Variants in DNAJC13 observed in about 807,000 individuals in gnomAD.
The protein encoded by DNAJC13 is DnaJ heat shock protein family (Hsp40) member C13, also known as dnaJ homolog subfamily C member 13.
DNAJC13 carries 75 observed loss-of-function variants against 290.5 expected under a neutral mutation model. That is an observed-to-expected ratio of 0.26 (90% CI 0.21 to 0.31). The LOEUF (loss-of-function observed/expected upper bound fraction) is 0.31, where lower values mean the gene tolerates loss of function less well. DNAJC13 is among the 10% of genes least tolerant of loss of function. The pLI is 1.00. For synonymous variants in DNAJC13, 862 were observed against 892.0 expected (o/e 0.97, Z 0.60); for missense variants, 2,260 against 2,674.5 (o/e 0.85, Z 3.42).
chr3:132,501,046 C>A, intron 39 of DNAJC13, 133 bp downstream of exon 39: 1 of 1,169,850 alleles, frequency 8.5e-7, no homozygotes, highest in Non-Finnish European at 1.2e-6. Flanking sequence ...TTTCTAAAAG[C>A]ATTTTTCACA....
chr3:132,486,204 TG>T (rs1433349633), intron 29 of DNAJC13, among the ~76,000 whole-genome samples: 1 of 148,736 alleles, frequency 6.7e-6, no homozygotes, highest in East Asian at 2.1e-4. Flanking sequence ...GAAAAAGCAC[TG>T]CAATTATTGA....
intron 51 of DNAJC13, among the ~76,000 whole-genome samples, chr3:132,524,718 G>A (rs1936197612): frequency 6.6e-6 from 1 of 152,182 alleles, no homozygotes; most frequent in African/African-American, 2.4e-5. Flanking sequence ...GTCCTCAAAA[G>A]CTAAAACTTA....
At chr3:132,418,749 C>G (rs889229297) in intron 1 of DNAJC13, among the ~76,000 whole-genome samples, 1 of 152,138 alleles carries the variant, frequency 6.6e-6, no homozygotes, top group African/African-American at 2.4e-5. Context: ...AAGTTCAGAA[C>G]CTGCCCCCAG....
At chr3:132,503,649 C>A (rs901808026) in intron 41 of DNAJC13, among the ~76,000 whole-genome samples, 1 of 152,028 alleles carries the variant, frequency 6.6e-6, no homozygotes, top group African/African-American at 2.4e-5. Flanking sequence ...AGGGACAGGA[C>A]GAGAGAGTGA....
chr3:132,493,326 C>T (rs1350673010), intron 33 of DNAJC13, among the ~76,000 whole-genome samples: 1 of 151,966 alleles, frequency 6.6e-6, no homozygotes, highest in Non-Finnish European at 1.5e-5. Flanking sequence ...TAAAAGATTT[C>T]AGAATAATTG....
At chr3:132,442,286 T>TG (rs1314543337) in intron 2 of DNAJC13, among the ~76,000 whole-genome samples, 1 of 152,102 alleles carries the variant, frequency 6.6e-6, no homozygotes, top group African/African-American at 2.4e-5. Flanking sequence ...CGTGAGCCAC[T>TG]GCACCCGGCC....
At chr3:132,429,836 G>C (rs1178590986) in intron 1 of DNAJC13, among the ~76,000 whole-genome samples, 1 of 152,124 alleles carries the variant, frequency 6.6e-6, no homozygotes, top group East Asian at 1.9e-4. Flanking sequence ...TTTTCAAATA[G>C]AGGAGCAATT....
At position 132,456,483 on chromosome 3, in the gene DNAJC13, C is replaced by T. The variant is rs372485663; in HGVS notation, c.1100-18C>T. On this transcript the variant is annotated intron_variant, in intron 10 of 55. Coordinates refer to ENST00000260818, the MANE Select transcript of DNAJC13 (RefSeq NM_015268.4). ...AGGAATTCGTATCTTCTTTTTGAAC[C>T]TCTTAATCTCTTTACAGATGGCAAC... is the stretch of plus-strand genomic sequence containing the variant. The T allele has an allele frequency of 1.9e-6, 3 of 1,611,234 alleles. No individual in the cohort carries two copies. The African/African-American group carries it at 4.0e-5, about 22-fold the overall frequency.
chr3:132,506,586 T>G (rs1935601030), intron 42 of DNAJC13, among the ~76,000 whole-genome samples: 1 of 123,834 alleles, frequency 8.1e-6, no homozygotes. Flanking sequence ...TGAGTCTCAC[T>G]CTGTTGCCAG....
At chr3:132,435,351 A>G (rs2107650494) in intron 2 of DNAJC13, among the ~76,000 whole-genome samples, 1 of 152,338 alleles carries the variant, frequency 6.6e-6, no homozygotes, top group East Asian at 1.9e-4. Flanking sequence ...CACTTTTACA[A>G]ATCAGTGACC....
At chr3:132,520,682 A>G (rs766515250) in intron 48 of DNAJC13, among the ~76,000 whole-genome samples, 1 of 152,220 alleles carries the variant, frequency 6.6e-6, no homozygotes, top group Non-Finnish European at 1.5e-5. Flanking sequence ...AAATAAATTT[A>G]GAAATGAAAG....
rs530497545 is a variant in DNAJC13, at chr3:132,465,659, A to G, written c.1893-336A>G. On this transcript the variant is annotated intron_variant, in intron 17 of 55. Transcript: ENST00000260818. The stretch of plus-strand genomic sequence containing the variant: ...TGTCACTATATTAGTAGGACTGGTT[A>G]AACAAATTAATTGTGTCATCAAATC... Among the ~76,000 whole-genome samples, 28 of 152,226 alleles carry G rather than the reference A, an allele frequency of 1.8e-4. No homozygotes were observed. In the South Asian group the frequency reaches 5.6e-3, roughly 30 times the overall value.
intron 37 of DNAJC13, 115 bp downstream of exon 37, chr3:132,499,425 AAC>A (rs1374624764): frequency 3.2e-6 from 3 of 935,870 alleles, no homozygotes; most frequent in Non-Finnish European, 4.7e-6. Flanking sequence ...TTCAGCAGAT[AAC>A]ACAATATTTT....
At position 132,450,627 on chromosome 3, in the gene DNAJC13, A is replaced by G. The variant is rs1332477369; in HGVS notation, c.337-20A>G. 6.4e-7 allele frequency: 1 copy of G among 1,562,126 alleles called. No homozygotes were observed. Among genetic ancestry groups the G allele is most frequent in the Non-Finnish European group, 8.8e-7 (1 of 1,139,750 alleles). ...GATTTTATTTTATGAACCTAAAAGT[A>G]ATACTGATTCTGTCTTTAGAGATAC... On this transcript the variant is annotated intron_variant, in intron 5 of 55. Transcript: ENST00000260818.
At chr3:132,446,095 G>C (rs529982309) in intron 2 of DNAJC13, among the ~76,000 whole-genome samples, 9 of 150,834 alleles carry the variant, frequency 6.0e-5, no homozygotes, top group Non-Finnish European at 1.3e-4. Flanking sequence ...TGGCTTTGTT[G>C]TAAGGGTATT....
intron 6 of DNAJC13, among the ~76,000 whole-genome samples, chr3:132,451,137 T>A (rs1933403329): frequency 6.6e-6 from 1 of 152,094 alleles, no homozygotes; most frequent in Non-Finnish European, 1.5e-5. Flanking sequence ...GGTATTACTG[T>A]CTTACCAAAA....
intron 1 of DNAJC13, among the ~76,000 whole-genome samples, chr3:132,427,742 A>G (rs1162349788): frequency 2.0e-5 from 3 of 152,226 alleles, no homozygotes; most frequent in Non-Finnish European, 4.4e-5. Context: ...TGTATTAGGT[A>G]CAAGAGCTGG....
intron 42 of DNAJC13, among the ~76,000 whole-genome samples, 198 bp from the exon 43 acceptor site, chr3:132,507,038 TA>T (rs1244242450): frequency 2.0e-5 from 3 of 152,200 alleles, no homozygotes; most frequent in Non-Finnish European, 4.4e-5. Flanking sequence ...AATGAGTTAA[TA>T]ATAGTAATAT....
chr3:132,524,757 A>T (rs1225306916), intron 51 of DNAJC13, among the ~76,000 whole-genome samples: 1 of 152,216 alleles, frequency 6.6e-6, no homozygotes, highest in Non-Finnish European at 1.5e-5. Flanking sequence ...TTCCTCCTAT[A>T]TCACCTTTCT....
Sources: allele counts gnomAD v4.1 joint callset (sites outside exome capture counted in the v4.1 genomes callset), GRCh38; gene constraint gnomAD v4.1.1; transcripts MANE v1.5; gene names NCBI Gene and HGNC (gene_info 2026-07-23, HGNC 2026-07-21).